HEXIM1: variants seen among roughly 807,000 people sequenced by gnomAD.
The protein encoded by HEXIM1 is HEXIM P-TEFb complex subunit 1, also known as protein HEXIM1.
A neutral mutation model predicts 30.3 loss-of-function variants in HEXIM1; 1 was observed. That is an observed-to-expected ratio of 0.03 (90% CI 0.01 to 0.16). HEXIM1 has a LOEUF of 0.16. Ranked by LOEUF, HEXIM1 falls within the 10% of genes least tolerant of loss-of-function variation. The pLI is 1.00. For synonymous variants in HEXIM1, 245 were observed against 208.3 expected (o/e 1.18, Z -1.52); for missense variants, 391 against 476.4 (o/e 0.82, Z 1.67).
At position 45,148,812 on chromosome 17, in the gene HEXIM1, TA is replaced by T; in HGVS notation, c.-377del. On this transcript the variant is annotated 5_prime_UTR_variant, in exon 1 of 1. Coordinates refer to ENST00000332499, the MANE Select transcript of HEXIM1 (RefSeq NM_006460.3). ...TCGGAGGCAGCGTCATCGGTAGTTT[TA>T]ACCCCTTCGGGGCTGGGTTTCACGC... 1 of 404,542 alleles carries T rather than the reference TA, an allele frequency of 2.5e-6. No individual in the cohort carries two copies. The highest frequency in any genetic ancestry group is 3.5e-5 in the East Asian group (1 of 28,238). 25.1% of individuals were successfully genotyped at this position (404,542 alleles called of 1,614,324 possible).
rs1250294114 is a variant in HEXIM1, at chr17:45,150,185, T to A, written c.995T>A (p.Leu332Gln). 1 of 1,612,894 alleles carries A rather than the reference T, an allele frequency of 6.2e-7. No individual in the cohort carries two copies. Among genetic ancestry groups the A allele is most frequent in the Non-Finnish European group, 8.5e-7 (1 of 1,179,830 alleles). ...VRELELELDRLRAENLQLLTE... is the reference protein window; with the variant it reads ...VRELELELDRQRAENLQLLTE... ...GAGCTGGAGCTGGAGCTGGACCGGC[T>A]GCGCGCCGAGAACCTCCAGCTGCTG... is the stretch of plus-strand genomic sequence containing the variant. The change falls in exon 1 of 1, where the codon CTG becomes CAG. Residue 332 changes from leucine to glutamine, a missense_variant. Coordinates refer to ENST00000332499, the MANE Select transcript of HEXIM1 (RefSeq NM_006460.3).
In HEXIM1 at chr17:45,148,953, G is replaced by T; in HGVS notation, c.-238G>T. On this transcript the variant is annotated 5_prime_UTR_variant, in exon 1 of 1. Coordinates refer to ENST00000332499, the MANE Select transcript of HEXIM1 (RefSeq NM_006460.3). ...CTGTTCCTGCCGCTGCACCCCCTTG[G>T]ACCCGCTAGCTGGCCGCACTGTGGG... 1.9e-6 allele frequency: 1 copy of T among 518,068 alleles called. No individual in the cohort carries two copies. Among genetic ancestry groups the T allele is most frequent in the Non-Finnish European group, 3.4e-6 (1 of 296,198 alleles). 32.1% of individuals were successfully genotyped at this position (518,068 alleles called of 1,614,324 possible).
rs971769518 is a variant in HEXIM1, at chr17:45,152,045, T to G, written c.*1775T>G. 1.8e-5 allele frequency: 3 copies of G among 167,010 alleles called. No individual in the cohort carries two copies. The highest frequency in any genetic ancestry group is 7.2e-5 in the African/African-American group (3 of 41,436). The allele number at this position is 167,010 out of a possible 1,614,324, so 10.3% of individuals were successfully genotyped here. On this transcript the variant is annotated 3_prime_UTR_variant, in exon 1 of 1. Coordinates refer to ENST00000332499, the MANE Select transcript of HEXIM1 (RefSeq NM_006460.3). ...GGCACATATGGTCCACTGGAGACAATGTATGATTGAGTTTTTCTTTGGTCT... is the reference window on the plus strand; with the variant it reads ...GGCACATATGGTCCACTGGAGACAAGGTATGATTGAGTTTTTCTTTGGTCT...
rs1274789969 is a variant in HEXIM1, at chr17:45,152,052, T to TTGAGTTTTTCTTTGGTCTA, written c.*1783_*1801dup. On this transcript the variant is annotated 3_prime_UTR_variant, in exon 1 of 1. Transcript: ENST00000332499. The stretch of plus-strand genomic sequence containing the variant: ...ATGGTCCACTGGAGACAATGTATGA[T>TTGAGTTTTTCTTTGGTCTA]TGAGTTTTTCTTTGGTCTAAAAATT... The TTGAGTTTTTCTTTGGTCTA allele has an allele frequency of 6.0e-6, 1 of 167,120 alleles. No homozygotes were observed. Among genetic ancestry groups the TTGAGTTTTTCTTTGGTCTA allele is most frequent in the Non-Finnish European group, 1.5e-5 (1 of 68,130 alleles). The allele number at this position is 167,120 out of a possible 1,614,324, so 10.4% of individuals were successfully genotyped here.
At position 45,150,276 on chromosome 17, in the gene HEXIM1, A is replaced by C. The variant is rs768072425; in HGVS notation, c.*6A>C. 6.2e-6 allele frequency: 10 copies of C among 1,604,176 alleles called. No homozygotes were observed. Among genetic ancestry groups the C allele is most frequent in the Non-Finnish European group, 8.5e-6 (10 of 1,173,426 alleles). On this transcript the variant is annotated 3_prime_UTR_variant, in exon 1 of 1. Transcript: ENST00000332499. ...TTTCCAAGTTTGGAGACTAGACTGA[A>C]ACTTTTTTGGGGGAGGGGGCAAAGG...
rs2144013077 is a variant in HEXIM1, at chr17:45,149,338, A to T, written c.148A>T (p.Arg50Ter). The change falls in exon 1 of 1, where the codon AGA becomes TGA. Residue 50 changes from arginine (R) to a stop codon, truncating the protein, a stop_gained. Coordinates refer to ENST00000332499, the MANE Select transcript of HEXIM1 (RefSeq NM_006460.3). LOFTEE classifies it high-confidence loss of function. This position sits in a 1 kb window ranked among gnomAD's most constrained non-coding sequence, Gnocchi z 5.3. ...VPEEDSRWQS[R>*]AFPQLGGRPG... ...CGAGGAGGACAGTAGGTGGCAATCG[A>T]GAGCGTTCCCCCAGTTGGGTGGCCG... 1 of 1,613,534 alleles carries T rather than the reference A, an allele frequency of 6.2e-7. No individual in the cohort carries two copies. The highest frequency in any genetic ancestry group is 1.7e-5 in the Admixed American group (1 of 60,030).
rs1222120208 is a variant in HEXIM1 at position 45,150,783 on chromosome 17, AAT to A, written c.*514_*515del. ...CAAAAATATCAATCTTTAATGGGAG[AAT>A]TTTCAATTTGCCAATTTTTTCCTTG... On this transcript the variant is annotated 3_prime_UTR_variant, in exon 1 of 1. Transcript: ENST00000332499. 3 of 168,820 alleles carry A rather than the reference AAT, an allele frequency of 1.8e-5. No homozygotes were observed. The highest frequency in any genetic ancestry group is 7.2e-5 in the African/African-American group (3 of 41,390). The allele number at this position is 168,820 out of a possible 1,614,324, so 10.5% of individuals were successfully genotyped here.
chr17:45,150,140 G>A lies in HEXIM1; in HGVS notation c.950G>A (p.Gly317Asp). Residue 317 changes from glycine to aspartate, a missense_variant, in exon 1 of 1, where the codon GGC (glycine) becomes GAC (aspartate). By Grantham distance (94) the Gly-to-Asp change is moderately conservative. Transcript: ENST00000332499. ...CGGCTGGAGAGCAAGCGGCTGGGTG[G>A]CGACGACGCGCGTGTGCGGGAGCTG... The part of the protein sequence containing the change: ...RLRLESKRLG[G>D]DDARVRELEL... 1 of 1,613,572 alleles carries A rather than the reference G, an allele frequency of 6.2e-7. No homozygotes were observed. The highest frequency in any genetic ancestry group is 8.5e-7 in the Non-Finnish European group (1 of 1,180,036).
Position 45,150,338 on chromosome 17 carries a change from ATGTG to A in HEXIM1, c.*70_*73del. ...AGTGATGGAATGTAACATTATATAC[ATGTG>A]TATATAAGACAGTGGACCTTTTTAT... On this transcript the variant is annotated 3_prime_UTR_variant, in exon 1 of 1. Transcript: ENST00000332499. 1 of 1,533,380 alleles carries A rather than the reference ATGTG, an allele frequency of 6.5e-7. No individual in the cohort carries two copies. The highest frequency in any genetic ancestry group is 2.3e-5 in the East Asian group (1 of 44,186). The allele number at this position is 1,533,380 out of a possible 1,614,324, so 95.0% of individuals were successfully genotyped here.
Position 45,149,878 on chromosome 17 carries a change from G to T in HEXIM1, c.688G>T (p.Ala230Ser), listed in dbSNP as rs1435093631. The change falls in exon 1 of 1, where the codon GCC (alanine) becomes TCC (serine). Residue 230 changes from alanine to serine, a missense_variant. Ala to Ser is a moderately conservative substitution (Grantham distance 99). This residue lies in a region of HEXIM1 where 38 missense variants were observed against 40.0 expected (regional missense o/e 0.95). Transcript: ENST00000332499. The surrounding 1 kb of genome is among the most constrained non-coding windows in gnomAD (Gnocchi z 5.3). ...AACCGGCCTGTACTCCAAGCGGGCC[G>T]CCGCCAAATCCGACGACACCAGCGA... ...LKTGLYSKRA[A>S]AKSDDTSDDD... The T allele has an allele frequency of 8.1e-6, 13 of 1,613,526 alleles. No individual in the cohort carries two copies. In the East Asian group the frequency reaches 2.9e-4, roughly 36 times the overall value.
Position 45,150,113 on chromosome 17 carries a change from TGCGGCTGGAGAGCAA to T in HEXIM1, c.932_946del (p.Glu311_Leu315del). The T allele has an allele frequency of 1.2e-6, 2 of 1,613,716 alleles. No homozygotes were observed. Among genetic ancestry groups the T allele is most frequent in the Non-Finnish European group, 1.7e-6 (2 of 1,180,022 alleles). On this transcript the variant is annotated inframe_deletion, in exon 1 of 1. Transcript: ENST00000332499. Reference sequence around the variant, plus strand: ...CGCATGGAGGACGAGAACAACCGGCTGCGGCTGGAGAGCAAGCGGCTGGGTGGCGACGACGCGCGT... The same window carrying T: ...CGCATGGAGGACGAGAACAACCGGCTGCGGCTGGGTGGCGACGACGCGCGT...
Position 45,149,835 on chromosome 17 carries a change from G to A in HEXIM1, c.645G>A (p.Gln215=). Residue 215 remains glutamine (Q), a synonymous_variant, in exon 1 of 1, where the codon CAG becomes CAA. Coordinates refer to ENST00000332499, the MANE Select transcript of HEXIM1 (RefSeq NM_006460.3). The surrounding 1 kb of genome is among the most constrained non-coding windows in gnomAD (Gnocchi z 5.3). ...TTQFLMDDHD[Q]EEPDLKTGLY... The stretch of plus-strand genomic sequence containing the variant: ...AGTTCCTCATGGATGATCACGACCA[G>A]GAGGAGCCGGATCTCAAAACCGGCC... 1 of 1,613,736 alleles carries A rather than the reference G, an allele frequency of 6.2e-7. No homozygotes were observed.
Position 45,149,344 on chromosome 17 carries a change from T to C in HEXIM1, c.154T>C (p.Phe52Leu), listed in dbSNP as rs2055528333. 6.2e-7 allele frequency: 1 copy of C among 1,613,372 alleles called. No individual in the cohort carries two copies. Among genetic ancestry groups the C allele is most frequent in the South Asian group, 1.1e-5 (1 of 91,088 alleles). Residue 52 changes from phenylalanine to leucine, a missense_variant, in exon 1 of 1, where the codon TTC (phenylalanine) becomes CTC (leucine). Physicochemically the swap from Phe to Leu is conservative, Grantham distance 22. Coordinates refer to ENST00000332499, the MANE Select transcript of HEXIM1 (RefSeq NM_006460.3). This position sits in a 1 kb window ranked among gnomAD's most constrained non-coding sequence, Gnocchi z 5.3. ...EEDSRWQSRAFPQLGGRPGPE... is the reference protein window; with the variant it reads ...EEDSRWQSRALPQLGGRPGPE... ...GGACAGTAGGTGGCAATCGAGAGCG[T>C]TCCCCCAGTTGGGTGGCCGTCCGGG...
rs546654817 is a variant in HEXIM1 at position 45,151,912 on chromosome 17, T to C, written c.*1642T>C. 1 of 167,072 alleles carries C rather than the reference T, an allele frequency of 6.0e-6. No individual in the cohort carries two copies. The highest frequency in any genetic ancestry group is 1.9e-4 in the East Asian group (1 of 5,204). 10.3% of individuals were successfully genotyped at this position (167,072 alleles called of 1,614,324 possible). A position where few individuals can be genotyped will look rare whatever the true frequency, so the allele number is the denominator to read the frequency against. Reference sequence around the variant, plus strand: ...GGTGATAGGGACTTCAAGAGTAAAATGCACCTTGTATTGCATAAGAAGCAT... The same window carrying C: ...GGTGATAGGGACTTCAAGAGTAAAACGCACCTTGTATTGCATAAGAAGCAT... On this transcript the variant is annotated 3_prime_UTR_variant, in exon 1 of 1. Coordinates refer to ENST00000332499, the MANE Select transcript of HEXIM1 (RefSeq NM_006460.3).
chr17:45,150,427 G>T lies in HEXIM1; in HGVS notation c.*157G>T. The T allele has an allele frequency of 1.4e-6, 1 of 739,142 alleles. No individual in the cohort carries two copies. The highest frequency in any genetic ancestry group is 2.2e-6 in the Non-Finnish European group (1 of 458,792). 45.8% of individuals were successfully genotyped at this position (739,142 alleles called of 1,614,324 possible). The stretch of plus-strand genomic sequence containing the variant: ...GGTTTCGTAAATTTAGCTATATGTA[G>T]CTTGCGTGCTTTCTCCTGTTCTTTT... On this transcript the variant is annotated 3_prime_UTR_variant, in exon 1 of 1. Coordinates refer to ENST00000332499, the MANE Select transcript of HEXIM1 (RefSeq NM_006460.3).
At position 45,149,242 on chromosome 17, in the gene HEXIM1, T is replaced by C; in HGVS notation, c.52T>C (p.Cys18Arg). 1 of 1,613,840 alleles carries C rather than the reference T, an allele frequency of 6.2e-7. No individual in the cohort carries two copies. Among genetic ancestry groups the C allele is most frequent in the South Asian group, 1.1e-5 (1 of 91,080 alleles). Reference sequence around the variant, plus strand: ...TCAACACCAGCCTCAAACTAGCAACTGTACAGGTGCTGCTGCTGTCCAGGA... The same window carrying C: ...TCAACACCAGCCTCAAACTAGCAACCGTACAGGTGCTGCTGCTGTCCAGGA... The part of the protein sequence containing the change: ...EYQHQPQTSN[C>R]TGAAAVQEEL... Residue 18 changes from cysteine to arginine, a missense_variant, in exon 1 of 1, where the codon TGT (cysteine) becomes CGT (arginine). Physicochemically the swap from Cys to Arg is radical, Grantham distance 180 (BLOSUM62 -3). Transcript: ENST00000332499. This position sits in a 1 kb window ranked among gnomAD's most constrained non-coding sequence, Gnocchi z 5.3.
Position 45,148,622 on chromosome 17 carries a change from AG to A in HEXIM1, c.-565del, listed in dbSNP as rs2055521989. 2 of 399,160 alleles carry A rather than the reference AG, an allele frequency of 5.0e-6. No homozygotes were observed. The highest frequency in any genetic ancestry group is 4.1e-5 in the African/African-American group (2 of 48,596). The allele number at this position is 399,160 out of a possible 1,614,324, so 24.7% of individuals were successfully genotyped here. A position where few individuals can be genotyped will look rare whatever the true frequency, so the allele number is the denominator to read the frequency against. On this transcript the variant is annotated 5_prime_UTR_variant, in exon 1 of 1. Transcript: ENST00000332499. Reference sequence around the variant, plus strand: ...TGAGCAGAGCAGAGCATCGAGCCAAAGGGGAGATGAGTTTGTCTGTCCTCTG... The same window carrying A: ...TGAGCAGAGCAGAGCATCGAGCCAAAGGGAGATGAGTTTGTCTGTCCTCTG...
At position 45,151,600 on chromosome 17, in the gene HEXIM1, C is replaced by T. The variant is rs972639432; in HGVS notation, c.*1330C>T. Reference sequence around the variant, plus strand: ...ATTGCCTCCTGTCATTTTGGTTAACCCAGTCCTTCACCTGCCCTGTGTCAG... The same window carrying T: ...ATTGCCTCCTGTCATTTTGGTTAACTCAGTCCTTCACCTGCCCTGTGTCAG... On this transcript the variant is annotated 3_prime_UTR_variant, in exon 1 of 1. Coordinates refer to ENST00000332499, the MANE Select transcript of HEXIM1 (RefSeq NM_006460.3). 10 of 167,038 alleles carry T rather than the reference C, an allele frequency of 6.0e-5. No individual in the cohort carries two copies. In the Admixed American group the frequency reaches 6.5e-4, roughly 11 times the overall value. 10.3% of individuals were successfully genotyped at this position (167,038 alleles called of 1,614,324 possible).
At position 45,149,299 on chromosome 17, in the gene HEXIM1, G is replaced by A; in HGVS notation, c.109G>A (p.Glu37Lys). 6.2e-7 allele frequency: 1 copy of A among 1,613,756 alleles called. No individual in the cohort carries two copies. Among genetic ancestry groups the A allele is most frequent in the Non-Finnish European group, 8.5e-7 (1 of 1,180,008 alleles). ...GAACCCTGAGCGCCCCCCAGGCGCG[G>A]AGGAGCGGGTGCCCGAGGAGGACAG... is the stretch of plus-strand genomic sequence containing the variant. ...ELNPERPPGAEERVPEEDSRW... is the reference protein window; with the variant it reads ...ELNPERPPGAKERVPEEDSRW... Residue 37 changes from glutamate to lysine, a missense_variant, in exon 1 of 1, where the codon GAG becomes AAG. This residue lies in a region of HEXIM1 where 230 missense variants were observed against 199.4 expected (regional missense o/e 1.15). Coordinates refer to ENST00000332499, the MANE Select transcript of HEXIM1 (RefSeq NM_006460.3). This position sits in a 1 kb window ranked among gnomAD's most constrained non-coding sequence, Gnocchi z 5.3.
Sources: gnomAD v4.1 joint callset for allele counts on GRCh38, gnomAD v4.1.1 for gene constraint, gnomAD v4.1.1 regional missense constraint, Gnocchi (gnomAD v3.1) non-coding constraint, MANE v1.5 for transcripts, NCBI Gene and HGNC (gene_info 2026-07-23, HGNC 2026-07-21) for gene names.